The following SEMA4F variants were observed in gnomAD, a reference collection of about 807,000 sequenced individuals.
SEMA4F encodes the protein ssemaphorin 4F.
Under a neutral mutation model 78.4 loss-of-function variants are expected in SEMA4F, and 51 were observed. The observed-to-expected ratio is 0.65, with a 90% CI of 0.52 to 0.82. The LOEUF is 0.82. SEMA4F is among the 40% of genes least tolerant of loss of function. The probability of loss-of-function intolerance (pLI) is 0.00; values close to 1 mark genes in which losing one functional copy is unlikely to be tolerated. For synonymous variants in SEMA4F, 418 were observed against 408.7 expected (o/e 1.02, Z -0.27); for missense variants, 938 against 1,014.4 (o/e 0.92, Z 1.02).
intron 1 of SEMA4F, 31 bp downstream of exon 1, chr2:74,654,552 T>C (rs1373276531): frequency 6.6e-7 from 1 of 1,513,972 alleles, no homozygotes; most frequent in Non-Finnish European, 8.8e-7. Context: ...CCCTCAGCCC[T>C]TCGCGCCCAC....
downstream of SEMA4F, among the ~76,000 whole-genome samples, chr2:74,685,504 C>G (rs1052332186): frequency 2.6e-5 from 4 of 152,150 alleles, no homozygotes; most frequent in South Asian, 2.1e-4. Context: ...AGGGTAGAGA[C>G]AAGACTTCTT....
the SEMA4F span, among the ~76,000 whole-genome samples, chr2:74,698,731 A>C: frequency 2.4e-4 from 37 of 152,182 alleles, no homozygotes; most frequent in African/African-American, 8.9e-4. Context: ...TGCCATGGTG[A>C]GTTTTCCTTT....
Position 74,674,621 on chromosome 2 carries a change from C to A in SEMA4F, c.946C>A (p.Arg316=), listed in dbSNP as rs770155615. ...TGTCCTGCAGGATGTTGCTGTGCTT[C>A]GACCTGAGCTTGGGGCAGGGACTCC... ...SSVLQDVAVL[R]PELGAGTPIF... Residue 316 remains arginine (R), a synonymous_variant, in exon 8 of 14, where the codon CGA becomes AGA. Transcript: ENST00000357877. 2 of 1,614,098 alleles carry A rather than the reference C, an allele frequency of 1.2e-6. No individual in the cohort carries two copies. Among genetic ancestry groups the A allele is most frequent in the African/African-American group, 2.7e-5 (2 of 75,008 alleles).
the SEMA4F span, among the ~76,000 whole-genome samples, chr2:74,706,088 A>T: frequency 6.6e-6 from 1 of 152,220 alleles, no homozygotes; most frequent in Non-Finnish European, 1.5e-5. Context: ...CAAAAAATGA[A>T]TAAGAGAAGG....
rs1459835152 is a variant in SEMA4F, at chr2:74,680,382, A to C, written c.*173A>C. The stretch of plus-strand genomic sequence containing the variant: ...TCTGAGCCTGGATGGGCTTGGGGCC[A>C]GACCTTTGCCTGATTCCTGATTCCC... On this transcript the variant is annotated 3_prime_UTR_variant, in exon 14 of 14. Coordinates refer to ENST00000357877, the MANE Select transcript of SEMA4F (RefSeq NM_004263.5). 2.9e-6 allele frequency: 2 copies of C among 698,774 alleles called. No individual in the cohort carries two copies. Among genetic ancestry groups the C allele is most frequent in the African/African-American group, 3.6e-5 (2 of 55,998 alleles). The allele number at this position is 698,774 out of a possible 1,614,324, so 43.3% of individuals were successfully genotyped here.
chr2:74,654,553 T>TCGCGCC, intron 1 of SEMA4F, 32 bp downstream of exon 1: 1 of 1,515,164 alleles, frequency 6.6e-7, no homozygotes, highest in South Asian at 1.3e-5. Context: ...CCTCAGCCCT[T>TCGCGCC]CGCGCCCACA....
chr2:74,674,336 C>T (rs949492775), intron 7 of SEMA4F, among the ~76,000 whole-genome samples, 162 bp from the exon 8 acceptor site: 9 of 152,124 alleles, frequency 5.9e-5, no homozygotes, highest in African/African-American at 2.2e-4. Context: ...CTCATTATCC[C>T]CGCAGCTACT....
At chr2:74,657,174 T>C (rs1326052885) in intron 2 of SEMA4F, among the ~76,000 whole-genome samples, 1 of 152,216 alleles carries the variant, frequency 6.6e-6, no homozygotes, top group Non-Finnish European at 1.5e-5. Flanking sequence ...TCAACCAGTA[T>C]GTATTCTGCG....
the SEMA4F span, among the ~76,000 whole-genome samples, chr2:74,695,556 A>T: frequency 6.6e-6 from 1 of 152,208 alleles, no homozygotes; most frequent in Admixed American, 6.5e-5. Flanking sequence ...ATCAATGAAT[A>T]AAACAACTGG....
downstream of SEMA4F, among the ~76,000 whole-genome samples, chr2:74,688,722 T>C (rs2105051797): frequency 6.6e-6 from 1 of 152,344 alleles, no homozygotes; most frequent in South Asian, 2.1e-4. Context: ...TTACTCAAAA[T>C]TTAGATCTTG....
In SEMA4F at chr2:74,657,710, C is replaced by A. The variant is rs970636014; in HGVS notation, c.357+86C>A. 8 of 1,438,210 alleles carry A rather than the reference C, an allele frequency of 5.6e-6. No individual in the cohort carries two copies. The African/African-American group carries it at 9.8e-5, about 18-fold the overall frequency. The allele number at this position is 1,438,210 out of a possible 1,614,324, so 89.1% of individuals were successfully genotyped here. A position where few individuals can be genotyped will look rare whatever the true frequency, so the allele number is the denominator to read the frequency against. On this transcript the variant is annotated intron_variant, in intron 3 of 13. Transcript: ENST00000357877. ...CTCAGTCCCCTGTAATGCTTCCATA[C>A]CAATGGGCCCAGGCAGAGACTCTAA...
rs772654729 is a variant in SEMA4F, at chr2:74,674,965, A to T, written c.1079A>T (p.Glu360Val). Residue 360 changes from glutamate (E) to valine (V), a missense_variant, in exon 9 of 14, where the codon GAA (glutamate) becomes GTA (valine). Glu to Val is a moderately radical substitution (Grantham distance 121). Coordinates refer to ENST00000357877, the MANE Select transcript of SEMA4F (RefSeq NM_004263.5). ...ACAGTGCTGAATGGTCCCTTCAGAGAACTAAAACATGACTGCAACAGAGGA... is the reference window on the plus strand; with the variant it reads ...ACAGTGCTGAATGGTCCCTTCAGAGTACTAAAACATGACTGCAACAGAGGA... ...IRTVLNGPFRELKHDCNRGLP... is the reference protein window; with the variant it reads ...IRTVLNGPFRVLKHDCNRGLP... 1 of 1,613,570 alleles carries T rather than the reference A, an allele frequency of 6.2e-7. No homozygotes were observed. The highest frequency in any genetic ancestry group is 1.7e-5 in the Admixed American group (1 of 59,976).
chr2:74,674,733 C>T (rs1685170189), intron 8 of SEMA4F, 57 bp downstream of exon 8: 4 of 1,587,838 alleles, frequency 2.5e-6, no homozygotes, highest in East Asian at 2.2e-5. Context: ...GGGGTTGGCA[C>T]AATGTCAGTG....
At chr2:74,704,754 G>C in the SEMA4F span, among the ~76,000 whole-genome samples, 2 of 151,534 alleles carry the variant, frequency 1.3e-5, no homozygotes, top group Admixed American at 6.6e-5. Context: ...CAGAACCCCA[G>C]TTGCCCTCCG....
intron 1 of SEMA4F, among the ~76,000 whole-genome samples, chr2:74,655,764 G>A (rs1684100498): frequency 6.6e-6 from 1 of 152,136 alleles, no homozygotes. Flanking sequence ...TGAGAGAGTG[G>A]GCACAGAGGT....
chr2:74,696,185 CTTTTT>C, the SEMA4F span, among the ~76,000 whole-genome samples: 282 of 109,000 alleles, frequency 2.6e-3, 2 homozygotes, highest in African/African-American at 9.7e-3. Context: ...TCTCCTGCCT[CTTTTT>C]TTTTTTTTTT....
At chr2:74,657,648 C>T in intron 3 of SEMA4F, 24 bp downstream of exon 3, 1 of 1,611,948 alleles carries the variant, frequency 6.2e-7, no homozygotes, top group South Asian at 1.1e-5. Flanking sequence ...TGAGCCCTGT[C>T]TTGAGTGTCA....
downstream of SEMA4F, among the ~76,000 whole-genome samples, chr2:74,686,460 G>C (rs1184069943): frequency 1.3e-5 from 2 of 152,208 alleles, no homozygotes; most frequent in Non-Finnish European, 2.9e-5. Flanking sequence ...CATTGTGGAG[G>C]ACAGTGTGGG....
In SEMA4F at chr2:74,681,732, T is replaced by G. The variant is rs1408936638; in HGVS notation, c.*1523T>G. 6.5e-6 allele frequency: 1 copy of G among 153,014 alleles called. No homozygotes were observed. Among genetic ancestry groups the G allele is most frequent in the Non-Finnish European group, 1.5e-5 (1 of 68,168 alleles). 9.5% of individuals were successfully genotyped at this position (153,014 alleles called of 1,614,324 possible). ...GCACATGGCTCTAGGCTTCTCCTGC[T>G]GAGTCCTGGTCTTGGCCTGTGAATG... On this transcript the variant is annotated 3_prime_UTR_variant, in exon 14 of 14. Transcript: ENST00000357877.
Sources: gnomAD v4.1 joint callset for allele counts (sites outside exome capture counted in the v4.1 genomes callset) on GRCh38, gnomAD v4.1.1 for gene constraint, MANE v1.5 for transcripts, NCBI Gene and HGNC (gene_info 2026-07-23, HGNC 2026-07-21) for gene names.